Variants in RGS7 observed in about 807,000 individuals in gnomAD.
The protein encoded by RGS7 is regulator of G protein signaling 7.
RGS7 carries 27 observed loss-of-function variants against 81.1 expected under a neutral mutation model. The ratio of observed to expected loss-of-function variants is 0.33; its 90% CI spans 0.25 to 0.46. RGS7 has a LOEUF of 0.46. Ranked by LOEUF, RGS7 falls within the 20% of genes least tolerant of loss-of-function variation. The probability of loss-of-function intolerance (pLI) is 1.00; values close to 1 mark genes in which losing one functional copy is unlikely to be tolerated. For synonymous variants in RGS7, 208 were observed against 207.7 expected (o/e 1.00, Z -0.01); for missense variants, 396 against 607.4 (o/e 0.65, Z 3.66).
chr1:241,012,862 A>G (rs547415913), intron 3 of RGS7, among the ~76,000 whole-genome samples: 1 of 152,174 alleles, frequency 6.6e-6, no homozygotes, highest in African/African-American at 2.4e-5. Flanking sequence ...ACCACTGGCT[A>G]CTAACTGTTC....
chr1:241,020,625 T>C (rs1221571825), intron 3 of RGS7, among the ~76,000 whole-genome samples: 1 of 152,232 alleles, frequency 6.6e-6, no homozygotes, highest in Non-Finnish European at 1.5e-5. Flanking sequence ...CATATTTTTT[T>C]CTTTTTTGAG....
At chr1:241,123,875 C>T (rs186714517) in intron 2 of RGS7, among the ~76,000 whole-genome samples, 39 of 152,330 alleles carry the variant, frequency 2.6e-4, no homozygotes, top group African/African-American at 7.9e-4. Flanking sequence ...TGGGTATCCC[C>T]GCCATGCTGT....
At chr1:240,960,312 T>C (rs560739900) in intron 4 of RGS7, among the ~76,000 whole-genome samples, 1 of 145,770 alleles carries the variant, frequency 6.9e-6, no homozygotes, top group East Asian at 2.1e-4. Context: ...GGTACAATCA[T>C]GGCTCACTTC....
At chr1:240,887,265 T>A (rs1235341933) in intron 6 of RGS7, among the ~76,000 whole-genome samples, 41 of 132,502 alleles carry the variant, frequency 3.1e-4, no homozygotes, top group African/African-American at 1.1e-3. Context: ...GTCTTGCTCT[T>A]TTGCCCAGGC....
intron 14 of RGS7, among the ~76,000 whole-genome samples, chr1:240,810,583 A>G (rs1183156032): frequency 6.6e-6 from 1 of 151,502 alleles, no homozygotes; most frequent in African/African-American, 2.4e-5. Context: ...AGTAGCTGGC[A>G]CTACAGGCAT....
intron 3 of RGS7, among the ~76,000 whole-genome samples, chr1:241,084,113 A>T (rs149451508): frequency 4.6e-5 from 7 of 152,366 alleles, no homozygotes; most frequent in African/African-American, 1.7e-4. Flanking sequence ...GCATTGGCCC[A>T]GTCCATTTTA....
At chr1:241,187,387 T>C (rs1344651451) in intron 2 of RGS7, among the ~76,000 whole-genome samples, 1 of 152,198 alleles carries the variant, frequency 6.6e-6, no homozygotes, top group African/African-American at 2.4e-5. Context: ...ACATTGCTAG[T>C]TAAGTGAAGG....
At chr1:241,215,915 T>C (rs1056678393) in intron 2 of RGS7, among the ~76,000 whole-genome samples, 6 of 152,210 alleles carry the variant, frequency 3.9e-5, no homozygotes, top group Admixed American at 3.3e-4. Flanking sequence ...TGTGTAACCA[T>C]GAGTGAACAA....
At chr1:241,017,567 T>C (rs756692783) in intron 3 of RGS7, among the ~76,000 whole-genome samples, 8 of 149,788 alleles carry the variant, frequency 5.3e-5, no homozygotes, top group Non-Finnish European at 8.9e-5. Flanking sequence ...CTTTGAAACA[T>C]GTTAGCCAGA....
chr1:241,232,924 T>C (rs886974017), intron 2 of RGS7, among the ~76,000 whole-genome samples: 3 of 152,186 alleles, frequency 2.0e-5, no homozygotes, highest in Admixed American at 6.5e-5. Context: ...TGTTATATTG[T>C]CCATTGCTAG....
At chr1:241,261,784 T>C (rs1408659599) in intron 2 of RGS7, among the ~76,000 whole-genome samples, 2 of 152,022 alleles carry the variant, frequency 1.3e-5, no homozygotes, top group Admixed American at 6.6e-5. Context: ...AACCCATATA[T>C]ATTCATCTGG....
chr1:241,263,867 G>A (rs995125947), intron 2 of RGS7, among the ~76,000 whole-genome samples: 4 of 152,198 alleles, frequency 2.6e-5, no homozygotes, highest in Non-Finnish European at 5.9e-5. Flanking sequence ...AGGCCTGGGT[G>A]CTCTTATATC....
At chr1:241,006,940 G>A (rs1470509356) in intron 3 of RGS7, among the ~76,000 whole-genome samples, 1 of 152,024 alleles carries the variant, frequency 6.6e-6, no homozygotes, top group African/African-American at 2.4e-5. Context: ...TTTTTGAGAT[G>A]GAGTCTTGCT....
At chr1:241,259,517 G>A (rs1417473445) in intron 2 of RGS7, among the ~76,000 whole-genome samples, 1 of 151,162 alleles carries the variant, frequency 6.6e-6, no homozygotes, top group African/African-American at 2.4e-5. Context: ...AAGCGTGGTG[G>A]TGCATGCCTG....
In RGS7 at chr1:240,793,611, A is replaced by ATATATATATATATATATATT; in HGVS notation, c.*6+7029_*6+7030insAATATATATATATATATATA. Among the ~76,000 whole-genome samples the ATATATATATATATATATATT allele has an allele frequency of 3.5e-3, 275 of 78,626 alleles. 2 individuals are homozygous for ATATATATATATATATATATT. The highest frequency in any genetic ancestry group is 4.4e-3 in the Non-Finnish European group (220 of 49,896). 51.6% of individuals were successfully genotyped at this position (78,626 alleles called of 152,430 possible). On this transcript the variant is annotated intron_variant, in intron 18 of 18. Coordinates refer to ENST00000440928, the MANE Select transcript of RGS7 (RefSeq NM_001364886.1). ...AATATATATATATATATATATATAT[A>ATATATATATATATATATATT]TTTTTTTTTTTTTTTTGAGACAGAG... is the stretch of plus-strand genomic sequence containing the variant.
chr1:241,219,147 T>C (rs1371022121), intron 2 of RGS7, among the ~76,000 whole-genome samples: 1 of 152,130 alleles, frequency 6.6e-6, no homozygotes, highest in Non-Finnish European at 1.5e-5. Flanking sequence ...GACATAGTGA[T>C]GCGGTTTGGC....
chr1:240,790,090 C>T (rs969262000), intron 18 of RGS7, among the ~76,000 whole-genome samples: 3 of 151,946 alleles, frequency 2.0e-5, no homozygotes, highest in African/African-American at 4.8e-5. Flanking sequence ...GGGTGAATTT[C>T]GCCCAATAGC....
intron 2 of RGS7, among the ~76,000 whole-genome samples, chr1:241,158,392 A>G (rs1182045837): frequency 6.6e-6 from 1 of 152,218 alleles, no homozygotes; most frequent in African/African-American, 2.4e-5. Flanking sequence ...ACATGTCTGT[A>G]AGTATCTGGC....
At chr1:241,158,983 T>C (rs189992762) in intron 2 of RGS7, among the ~76,000 whole-genome samples, 2 of 152,328 alleles carry the variant, frequency 1.3e-5, no homozygotes, top group African/African-American at 4.8e-5. Context: ...TTCTGCAATA[T>C]GTCTCAAAAT....
Sources: allele counts gnomAD v4.1 joint callset (sites outside exome capture counted in the v4.1 genomes callset), GRCh38; gene constraint gnomAD v4.1.1; transcripts MANE v1.5; gene names NCBI Gene and HGNC (gene_info 2026-07-23, HGNC 2026-07-21).